MCCC2: variants seen among roughly 807,000 people sequenced by gnomAD.
The protein encoded by MCCC2 is methylcrotonyl-CoA carboxylase subunit 2.
A neutral mutation model predicts 77.2 loss-of-function variants in MCCC2; 52 were observed. The observed-to-expected ratio is 0.67, with a 90% confidence interval of 0.54 to 0.85. MCCC2 has a LOEUF of 0.85. MCCC2 is among the 40% of genes least tolerant of loss of function. The pLI, the probability that MCCC2 is intolerant of heterozygous loss-of-function variation, is 0.00. For synonymous variants in MCCC2, 253 were observed against 248.4 expected, an observed-to-expected ratio of 1.02 and a Z score of -0.18; for missense variants, 682 against 703.2, an observed-to-expected ratio of 0.97 and a Z score of 0.34.
At chr5:71,590,777 A>G (rs576380415) in intron 1 of MCCC2, among the ~76,000 whole-genome samples, 1 of 151,806 alleles carries the variant, frequency 6.6e-6, no homozygotes, top group East Asian at 1.9e-4. Flanking sequence ...AGACTGTGCT[A>G]CTGCACTCCA....
Position 71,587,420 on chromosome 5 carries a change from G to A in MCCC2, c.-6G>A, listed in dbSNP as rs888821366. 1 of 1,533,720 alleles carries A rather than the reference G, an allele frequency of 6.5e-7. No individual in the cohort carries two copies. The highest frequency in any genetic ancestry group is 2.0e-5 in the Admixed American group (1 of 50,958). ...TGGGCCGCTCTCTCGCTCGGTGCCC[G>A]CCGCCATGTGGGCCGTCCTGAGGTT... On this transcript the variant is annotated 5_prime_UTR_variant, in exon 1 of 17. Transcript: ENST00000340941.
At chr5:71,590,906 A>C (rs1395235746) in intron 1 of MCCC2, among the ~76,000 whole-genome samples, 1 of 152,004 alleles carries the variant, frequency 6.6e-6, no homozygotes, top group African/African-American at 2.4e-5. Context: ...TCTATCTTGG[A>C]GAATGTTGCC....
In MCCC2 at chr5:71,650,223, C is replaced by G. The variant is rs200705894; in HGVS notation, c.1488+40C>G. The G allele has an allele frequency of 6.5e-5, 103 of 1,580,456 alleles. No homozygotes were observed. The African/African-American group carries it at 1.2e-3, about 18-fold the overall frequency. On this transcript the variant is annotated intron_variant, in intron 15 of 16. Coordinates refer to ENST00000340941, the MANE Select transcript of MCCC2 (RefSeq NM_022132.5). ...CTCTTGTTTCTCTCTGGTTTTGCCT[C>G]TCACCATAAACACCCTGGAGCCAAG...
intron 10 of MCCC2, chr5:71,636,461 A>C (rs990974017): frequency 1.3e-5 from 2 of 154,944 alleles, no homozygotes; most frequent in Admixed American, 1.3e-4. Context: ...TAATCCCAGC[A>C]CTTTGGGAAG....
At chr5:71,616,593 A>T (rs1746160884) in intron 6 of MCCC2, among the ~76,000 whole-genome samples, 1 of 152,166 alleles carries the variant, frequency 6.6e-6, no homozygotes, top group Non-Finnish European at 1.5e-5. Context: ...TTCAAACTAG[A>T]CATTGAACAC....
intron 6 of MCCC2, among the ~76,000 whole-genome samples, chr5:71,619,146 C>T (rs777782379): frequency 6.6e-5 from 10 of 152,300 alleles, no homozygotes; most frequent in East Asian, 1.9e-4. Flanking sequence ...TCCTCCTCCC[C>T]GCTTGCCTTA....
chr5:71,644,127 G>C (rs1455753198), intron 12 of MCCC2, among the ~76,000 whole-genome samples: 1 of 150,776 alleles, frequency 6.6e-6, no homozygotes, highest in East Asian at 2.0e-4. Context: ...TTTTATGGTG[G>C]TTTACATTAA....
chr5:71,631,201 G>T (rs1321467548), intron 7 of MCCC2, among the ~76,000 whole-genome samples: 3 of 152,178 alleles, frequency 2.0e-5, no homozygotes, highest in African/African-American at 7.2e-5. Flanking sequence ...TGCCACCAAG[G>T]AATTCACAGC....
intron 8 of MCCC2, among the ~76,000 whole-genome samples, chr5:71,634,012 T>G (rs1473118493): frequency 1.3e-5 from 2 of 152,198 alleles, no homozygotes; most frequent in African/African-American, 4.8e-5. Flanking sequence ...TAGAGTGTCA[T>G]GAAATCACTG....
chr5:71,589,221 C>T (rs971152839), intron 1 of MCCC2, among the ~76,000 whole-genome samples: 1 of 152,160 alleles, frequency 6.6e-6, no homozygotes, highest in Non-Finnish European at 1.5e-5. Context: ...GGTGGAACTG[C>T]CATTAATACA....
chr5:71,635,754 T>C (rs1310826612), intron 10 of MCCC2: 2 of 222,056 alleles, frequency 9.0e-6, no homozygotes, highest in Non-Finnish European at 1.8e-5. Flanking sequence ...TTTTAGGGTT[T>C]AGAGCATATA....
At chr5:71,628,853 G>T (rs145334216) in intron 7 of MCCC2, among the ~76,000 whole-genome samples, 1 of 152,148 alleles carries the variant, frequency 6.6e-6, no homozygotes, top group East Asian at 1.9e-4. Context: ...GAAAAGATAC[G>T]AAAATACTGC....
rs1440841730 is a variant in MCCC2 at position 71,633,127 on chromosome 5, A to ATTTTTTT, written c.803+943_803+944insTTTTTTT. ...TATATATATATATATATATATATATATATATTTTTATTTTTTGTAGAAACA... is the reference window on the plus strand; with the variant it reads ...TATATATATATATATATATATATATATTTTTTTTATATTTTTATTTTTTGTAGAAACA... On this transcript the variant is annotated intron_variant, in intron 8 of 16. Coordinates refer to ENST00000340941, the MANE Select transcript of MCCC2 (RefSeq NM_022132.5). Among the ~76,000 whole-genome samples the ATTTTTTT allele has an allele frequency of 2.8e-3, 179 of 63,758 alleles. 5 individuals are homozygous for ATTTTTTT. Among genetic ancestry groups the ATTTTTTT allele is most frequent in the Admixed American group, 5.1e-3 (22 of 4,288 alleles). 41.8% of individuals were successfully genotyped at this position (63,758 alleles called of 152,430 possible). A position where few individuals can be genotyped will look rare whatever the true frequency, so the allele number is the denominator to read the frequency against.
At chr5:71,644,003 C>T (rs1747204849) in intron 12 of MCCC2, 108 bp downstream of exon 12, 1 of 1,357,430 alleles carries the variant, frequency 7.4e-7, no homozygotes, top group Non-Finnish European at 1.0e-6. Context: ...AACTAGATGC[C>T]TCAGCAACCA....
chr5:71,657,801 A>G lies in MCCC2; in HGVS notation c.*941A>G, dbSNP rs537387461. ...TTGCTGGGCCATTTCAGCCCCTGTCATGGCTTCACTCGCCATCTAAATGCA... is the reference window on the plus strand; with the variant it reads ...TTGCTGGGCCATTTCAGCCCCTGTCGTGGCTTCACTCGCCATCTAAATGCA... On this transcript the variant is annotated 3_prime_UTR_variant, in exon 17 of 17. Transcript: ENST00000340941. 1.1e-4 allele frequency: 16 copies of G among 152,278 alleles called. No homozygotes were observed. The highest frequency in any genetic ancestry group is 3.9e-4 in the African/African-American group (16 of 41,538). 9.4% of individuals were successfully genotyped at this position (152,278 alleles called of 1,614,324 possible).
chr5:71,654,977 G>A (rs1747541100), intron 16 of MCCC2, among the ~76,000 whole-genome samples: 1 of 152,050 alleles, frequency 6.6e-6, no homozygotes, highest in Admixed American at 6.6e-5. Flanking sequence ...TGGGATTACA[G>A]GCGTGTGCCA....
intron 4 of MCCC2, among the ~76,000 whole-genome samples, chr5:71,600,946 A>G (rs1338510189): frequency 6.6e-6 from 1 of 152,218 alleles, no homozygotes; most frequent in East Asian, 1.9e-4. Context: ...GCTTAGGCTT[A>G]GAGCCTGTCC....
chr5:71,639,119 A>C (rs910137226), intron 10 of MCCC2, among the ~76,000 whole-genome samples: 1 of 152,228 alleles, frequency 6.6e-6, no homozygotes, highest in Non-Finnish European at 1.5e-5. Context: ...GGCAGAGTAG[A>C]TTTAGGATAA....
chr5:71,601,081 A>G (rs1335660495), intron 4 of MCCC2, among the ~76,000 whole-genome samples: 1 of 152,216 alleles, frequency 6.6e-6, no homozygotes, highest in African/African-American at 2.4e-5. Context: ...AGTTTCTGAA[A>G]GAAGGTTTAG....
Sources: allele counts gnomAD v4.1 joint callset (sites outside exome capture counted in the v4.1 genomes callset), GRCh38; gene constraint gnomAD v4.1.1; transcripts MANE v1.5; gene names NCBI Gene and HGNC (gene_info 2026-07-23, HGNC 2026-07-21).